Variants in CDC37L1 observed in about 807,000 individuals in gnomAD.
CDC37L1 encodes the protein cell division cycle 37 like 1, HSP90 cochaperone, also known as hsp90 co-chaperone Cdc37-like 1.
Under a neutral mutation model 45.9 loss-of-function variants are expected in CDC37L1, and 32 were observed. That is an observed-to-expected ratio of 0.70 (90% CI 0.53 to 0.94). CDC37L1 has a LOEUF of 0.94. Among genes scored for constraint, CDC37L1 ranks in the 40% least tolerant of loss-of-function variants. The probability of loss-of-function intolerance (pLI) is 0.00; values close to 1 mark genes in which losing one functional copy is unlikely to be tolerated. For missense variants in CDC37L1, 434 were observed against 405.7 expected (o/e 1.07, Z -0.60); for synonymous variants, 150 against 133.0 (o/e 1.13, Z -0.88).
intron 1 of CDC37L1, 115 bp downstream of exon 1, chr9:4,680,014 A>T (rs2295965): frequency 1.5e-6 from 2 of 1,353,390 alleles, no homozygotes; most frequent in South Asian, 2.8e-5. Flanking sequence ...CCTCACTGCC[A>T]GGGGCCGGGG....
At position 4,702,047 on chromosome 9, in the gene CDC37L1, T is replaced by C; in HGVS notation, c.912+19T>C. 3 of 1,291,038 alleles carry C rather than the reference T, an allele frequency of 2.3e-6. No individual in the cohort carries two copies. The highest frequency in any genetic ancestry group is 3.1e-6 in the Non-Finnish European group (3 of 978,950). 80.0% of individuals were successfully genotyped at this position (1,291,038 alleles called of 1,614,324 possible). A position where few individuals can be genotyped will look rare whatever the true frequency, so the allele number is the denominator to read the frequency against. The stretch of plus-strand genomic sequence containing the variant: ...ACCACAGGTAAGTTGGAAAAGTAAA[T>C]ATTTGTTTTATAAGCCTATTAATTC... On this transcript the variant is annotated intron_variant, in intron 6 of 6. Transcript: ENST00000381854.
intron 5 of CDC37L1, among the ~76,000 whole-genome samples, chr9:4,700,931 T>G (rs950594966): frequency 6.6e-6 from 1 of 152,194 alleles, no homozygotes; most frequent in Non-Finnish European, 1.5e-5. Context: ...AAAGAATCCT[T>G]ATGGATATTA....
chr9:4,696,300 G>C (rs76277155), intron 3 of CDC37L1, among the ~76,000 whole-genome samples: 224 of 152,160 alleles, frequency 1.5e-3, no homozygotes, highest in Non-Finnish European at 2.4e-3. Flanking sequence ...TGAATATCCA[G>C]ACTTCTTTGC....
intron 5 of CDC37L1, among the ~76,000 whole-genome samples, chr9:4,699,154 A>G (rs983674351): frequency 6.6e-6 from 1 of 152,198 alleles, no homozygotes; most frequent in African/African-American, 2.4e-5. Context: ...CATATGTACT[A>G]GATTGCCGTA....
At chr9:4,688,483 C>A in intron 2 of CDC37L1, 30 bp from the exon 3 acceptor site, 1 of 1,136,348 alleles carries the variant, frequency 8.8e-7, no homozygotes, top group Non-Finnish European at 1.2e-6. Context: ...AATTTAAAAT[C>A]TGATTTAAAT....
rs775331635 is a variant in CDC37L1 at position 4,679,753 on chromosome 9, C to T, written c.-15C>T. On this transcript the variant is annotated 5_prime_UTR_variant, in exon 1 of 7. Transcript: ENST00000381854. ...GTAGGGCCAAGGGCGGTTGTAGGAC[C>T]CGGAGCAGCCGGACATGGAACAACC... 1.2e-6 allele frequency: 2 copies of T among 1,606,826 alleles called. No homozygotes were observed. The highest frequency in any genetic ancestry group is 1.1e-5 in the South Asian group (1 of 90,602).
rs748275302 is a variant in CDC37L1 at position 4,707,608 on chromosome 9, C to T, written c.*1496C>T. On this transcript the variant is annotated 3_prime_UTR_variant, in exon 7 of 7. Coordinates refer to ENST00000381854, the MANE Select transcript of CDC37L1 (RefSeq NM_017913.4). ...CAATCTTCCTGGTTTTCAGAATAAA[C>T]GTTTTTGTGCTTTTGATATAAATAT... 3.9e-5 allele frequency: 6 copies of T among 151,946 alleles called. No individual in the cohort carries two copies. The highest frequency in any genetic ancestry group is 7.2e-5 in the African/African-American group (3 of 41,464). 9.4% of individuals were successfully genotyped at this position (151,946 alleles called of 1,614,324 possible).
intron 1 of CDC37L1, among the ~76,000 whole-genome samples, chr9:4,681,143 C>T (rs1485366396): frequency 1.3e-5 from 2 of 152,138 alleles, no homozygotes; most frequent in African/African-American, 2.4e-5. Context: ...GAATGAACAG[C>T]AGATGCCATT....
At chr9:4,686,971 A>T (rs1841252959) in intron 2 of CDC37L1, among the ~76,000 whole-genome samples, 1 of 152,218 alleles carries the variant, frequency 6.6e-6, no homozygotes, top group South Asian at 2.1e-4. Context: ...AAGATAAATA[A>T]AATAATTTAT....
chr9:4,700,260 A>G (rs576700515), intron 5 of CDC37L1, among the ~76,000 whole-genome samples: 5 of 152,092 alleles, frequency 3.3e-5, no homozygotes, highest in Admixed American at 6.5e-5. Flanking sequence ...GGCTCAAGCA[A>G]TCCTCCTGCC....
In CDC37L1 at chr9:4,705,984, C is replaced by G. The variant is rs141038343; in HGVS notation, c.913-27C>G. 4.4e-4 allele frequency: 494 copies of G among 1,130,512 alleles called. 12 individuals are homozygous for G. The East Asian group carries it at 0.012, about 26-fold the overall frequency. 70.0% of individuals were successfully genotyped at this position (1,130,512 alleles called of 1,614,324 possible). On this transcript the variant is annotated intron_variant, in intron 6 of 6. Coordinates refer to ENST00000381854, the MANE Select transcript of CDC37L1 (RefSeq NM_017913.4). Reference sequence around the variant, plus strand: ...GGTTATAATGCGTTCTTTTTCTCCCCCCAATCTACCTTTTCTTTTTCCCCA... The same window carrying G: ...GGTTATAATGCGTTCTTTTTCTCCCGCCAATCTACCTTTTCTTTTTCCCCA...
chr9:4,683,338 A>G (rs1359432270), intron 1 of CDC37L1, among the ~76,000 whole-genome samples: 1 of 152,008 alleles, frequency 6.6e-6, no homozygotes, highest in African/African-American at 2.4e-5. Context: ...ACCACCAGTC[A>G]GTAAACAAAT....
At chr9:4,685,451 T>C in intron 2 of CDC37L1, 1 of 261,188 alleles carries the variant, frequency 3.8e-6, no homozygotes. Context: ...GATATAAGGA[T>C]GGGAAAATAT....
chr9:4,695,065 G>A (rs934781584), intron 3 of CDC37L1, among the ~76,000 whole-genome samples: 1 of 152,172 alleles, frequency 6.6e-6, no homozygotes, highest in Non-Finnish European at 1.5e-5. Flanking sequence ...AGATAGAGTT[G>A]AAAATATTAC....
chr9:4,683,812 T>G (rs1587615136), intron 1 of CDC37L1, among the ~76,000 whole-genome samples: 2 of 152,352 alleles, frequency 1.3e-5, no homozygotes, highest in South Asian at 2.1e-4. Flanking sequence ...GAAGTTGATG[T>G]ACATTTGACG....
At position 4,707,325 on chromosome 9, in the gene CDC37L1, G is replaced by GACTT. The variant is rs1388637957; in HGVS notation, c.*1215_*1218dup. On this transcript the variant is annotated 3_prime_UTR_variant, in exon 7 of 7. Transcript: ENST00000381854. ...CTTATTATTGAAGGATTAATCTTATGACTTAACATAAGCTTTGGTTATATT... is the reference window on the plus strand; with the variant it reads ...CTTATTATTGAAGGATTAATCTTATGACTTACTTAACATAAGCTTTGGTTATATT... 6.7e-6 allele frequency: 1 copy of GACTT among 149,166 alleles called. No homozygotes were observed. The highest frequency in any genetic ancestry group is 1.5e-5 in the Non-Finnish European group (1 of 67,628). The allele number at this position is 149,166 out of a possible 1,614,324, so 9.2% of individuals were successfully genotyped here.
In CDC37L1 at chr9:4,708,057, T is replaced by C. The variant is rs74725803; in HGVS notation, c.*1945T>C. On this transcript the variant is annotated 3_prime_UTR_variant, in exon 7 of 7. Coordinates refer to ENST00000381854, the MANE Select transcript of CDC37L1 (RefSeq NM_017913.4). ...TACTTGCAAAAGAATATACTGTGTT[T>C]TGAGTATGAAAGTGTGATTGGGTCT... The C allele has an allele frequency of 1.3e-5, 2 of 152,228 alleles. No individual in the cohort carries two copies. The highest frequency in any genetic ancestry group is 2.9e-5 in the Non-Finnish European group (2 of 68,034). The allele number at this position is 152,228 out of a possible 1,614,324, so 9.4% of individuals were successfully genotyped here.
chr9:4,683,224 G>A (rs1296399179), intron 1 of CDC37L1, among the ~76,000 whole-genome samples: 1 of 150,738 alleles, frequency 6.6e-6, no homozygotes, highest in Non-Finnish European at 1.5e-5. Flanking sequence ...TAAAACATCT[G>A]AATAGCAAGT....
rs1351283172 is a variant in CDC37L1, at chr9:4,685,058, A to G, written c.314A>G (p.Gln105Arg). ...KAQTAVSELR[Q>R]REEEWRQKEE... ...CAAACAGCAGTATCAGAACTGAGGC[A>G]ACGGGAAGAAGAGTGGCGACAGAAA... The change falls in exon 2 of 7, where the codon CAA becomes CGA. Residue 105 changes from glutamine (Q) to arginine (R), a missense_variant. Physicochemically the swap from Gln to Arg is conservative, Grantham distance 43. Coordinates refer to ENST00000381854, the MANE Select transcript of CDC37L1 (RefSeq NM_017913.4). 3 of 1,614,078 alleles carry G rather than the reference A, an allele frequency of 1.9e-6. No individual in the cohort carries two copies. The highest frequency in any genetic ancestry group is 1.3e-5 in the African/African-American group (1 of 75,052).
Sources: allele counts gnomAD v4.1 joint callset (sites outside exome capture counted in the v4.1 genomes callset), GRCh38; gene constraint gnomAD v4.1.1; transcripts MANE v1.5; gene names NCBI Gene and HGNC (gene_info 2026-07-23, HGNC 2026-07-21).